The following ADRA1B variants were observed in gnomAD, a reference collection of about 807,000 sequenced individuals.
ADRA1B encodes the protein alpha-1B adrenergic receptor.
In ADRA1B, 17 loss-of-function variants were observed where a neutral mutation model predicts 17.9. The ratio of observed to expected loss-of-function variants is 0.95; its 90% CI spans 0.65 to 1.42. The LOEUF (loss-of-function observed/expected upper bound fraction) is 1.42, where lower values mean the gene tolerates loss of function less well. ADRA1B is among the 40% of genes most tolerant of loss of function. The probability of loss-of-function intolerance (pLI) is 0.00; values close to 1 mark genes in which losing one functional copy is unlikely to be tolerated. For synonymous variants in ADRA1B, 366 were observed against 327.6 expected (o/e 1.12, Z -1.27); for missense variants, 681 against 722.1 (o/e 0.94, Z 0.65).
At chr5:159,896,716 G>C (rs187680603) in intron 1 of ADRA1B, among the ~76,000 whole-genome samples, 4 of 152,096 alleles carry the variant, frequency 2.6e-5, no homozygotes, top group Non-Finnish European at 5.9e-5. Flanking sequence ...CATCAGCCGC[G>C]CTCCACTGAA....
At chr5:159,934,972 G>C (rs1271911085) in intron 1 of ADRA1B, among the ~76,000 whole-genome samples, 1 of 152,090 alleles carries the variant, frequency 6.6e-6, no homozygotes, top group Non-Finnish European at 1.5e-5. Context: ...CGGATGAAAG[G>C]GACTCAGCTG....
At chr5:159,902,948 C>A (rs1467562658) in intron 1 of ADRA1B, among the ~76,000 whole-genome samples, 2 of 152,172 alleles carry the variant, frequency 1.3e-5, no homozygotes, top group African/African-American at 4.8e-5. Flanking sequence ...CAGACACTGT[C>A]GCTCTCGGAC....
At chr5:159,924,112 T>C (rs1313305013) in intron 1 of ADRA1B, among the ~76,000 whole-genome samples, 2 of 152,282 alleles carry the variant, frequency 1.3e-5, no homozygotes, top group Non-Finnish European at 2.9e-5. Flanking sequence ...GAGATTTTAC[T>C]GGCTTATGAC....
chr5:159,973,332 T>C (rs1164498939), downstream of ADRA1B, among the ~76,000 whole-genome samples: 1 of 152,188 alleles, frequency 6.6e-6, no homozygotes, highest in African/African-American at 2.4e-5. Context: ...TGAATCCTCC[T>C]GCGGCTCCTT....
chr5:159,880,009 T>C (rs1262412384), intron 1 of ADRA1B, among the ~76,000 whole-genome samples: 1 of 151,916 alleles, frequency 6.6e-6, no homozygotes, highest in Admixed American at 6.6e-5. Flanking sequence ...AATAAATAAA[T>C]AAAATTAAAA....
chr5:159,888,744 G>A (rs1441988801), intron 1 of ADRA1B, among the ~76,000 whole-genome samples: 1 of 152,190 alleles, frequency 6.6e-6, no homozygotes, highest in Non-Finnish European at 1.5e-5. Context: ...ACCACTGGGG[G>A]TGCCAGGAAG....
At chr5:159,945,387 A>G (rs901502623) in intron 1 of ADRA1B, among the ~76,000 whole-genome samples, 3 of 152,180 alleles carry the variant, frequency 2.0e-5, no homozygotes, top group Non-Finnish European at 4.4e-5. Flanking sequence ...AGGAAAGAAA[A>G]AAGAGAGAAA....
chr5:159,925,774 G>A (rs576223331), intron 1 of ADRA1B, among the ~76,000 whole-genome samples: 5 of 152,276 alleles, frequency 3.3e-5, no homozygotes, highest in South Asian at 4.1e-4. Flanking sequence ...TCCCAAAAAC[G>A]TCCATGGCCC....
intron 1 of ADRA1B, among the ~76,000 whole-genome samples, chr5:159,947,016 A>T (rs916885225): frequency 3.9e-5 from 6 of 152,138 alleles, no homozygotes; most frequent in African/African-American, 9.7e-5. Context: ...CCCTTTGAGG[A>T]TGGCATAATT....
chr5:159,896,523 T>C (rs895178362), intron 1 of ADRA1B, among the ~76,000 whole-genome samples: 1 of 152,184 alleles, frequency 6.6e-6, no homozygotes, highest in Non-Finnish European at 1.5e-5. Flanking sequence ...AAATGAAAGG[T>C]GTGTGCTCAG....
chr5:159,921,761 AT>A (rs1754487574), intron 1 of ADRA1B, among the ~76,000 whole-genome samples: 1 of 152,226 alleles, frequency 6.6e-6, no homozygotes, highest in Non-Finnish European at 1.5e-5. Flanking sequence ...CAAAATAGAA[AT>A]CCCTCTCTCC....
At chr5:159,924,706 G>A (rs904255250) in intron 1 of ADRA1B, among the ~76,000 whole-genome samples, 38 of 152,150 alleles carry the variant, frequency 2.5e-4, no homozygotes, top group Admixed American at 2.0e-3. Context: ...GTGCCATCAC[G>A]GATGCATCTA....
upstream of ADRA1B, among the ~76,000 whole-genome samples, chr5:159,911,953 C>A (rs572393515): frequency 6.6e-6 from 1 of 152,142 alleles, no homozygotes; most frequent in East Asian, 1.9e-4. Context: ...TGGCCTCAGG[C>A]AAATCGTTTA....
At chr5:159,903,079 T>C (rs1754120938) in intron 1 of ADRA1B, among the ~76,000 whole-genome samples, 1 of 152,184 alleles carries the variant, frequency 6.6e-6, no homozygotes, top group South Asian at 2.1e-4. Flanking sequence ...CAGAGAAGGC[T>C]CTGGCCAGTG....
chr5:159,924,941 G>A (rs1267602543), intron 1 of ADRA1B, among the ~76,000 whole-genome samples: 2 of 152,186 alleles, frequency 1.3e-5, no homozygotes, highest in Non-Finnish European at 2.9e-5. Context: ...TGCTGGCTAG[G>A]AGTTCTTTCT....
At chr5:159,876,494 T>A (rs1753804147) in intron 1 of ADRA1B, among the ~76,000 whole-genome samples, 1 of 152,208 alleles carries the variant, frequency 6.6e-6, no homozygotes, top group Non-Finnish European at 1.5e-5. Flanking sequence ...CTAAACCACA[T>A]GACCATCCCT....
rs546517080 is a variant in ADRA1B, at chr5:159,879,448, C to A, written c.-256+14242C>A. Among the ~76,000 whole-genome samples, 35 of 152,314 alleles carry A rather than the reference C, an allele frequency of 2.3e-4. 1 individual carries two copies. In the South Asian group the frequency reaches 6.2e-3, roughly 27 times the overall value. On this transcript the variant is annotated intron_variant, in intron 1 of 2. Coordinates refer to the ADRA1B transcript ENST00000641205. The stretch of plus-strand genomic sequence containing the variant: ...ACTCTTTAGGAATAATTCCAGCCCC[C>A]TCTCCAGCAGCCAGGACTATAAATA...
rs1358507795 is a variant in ADRA1B, at chr5:159,883,580, T to C, written c.-256+18374T>C. ...TCCTAGAAGGCCTACAGGGACTTCA[T>C]ATAAACAGAATTTCTGTGTCAGAGT... On this transcript the variant is annotated intron_variant, in intron 1 of 2. Transcript: ENST00000641205. Among the ~76,000 whole-genome samples, 34 of 152,222 alleles carry C rather than the reference T, an allele frequency of 2.2e-4. 1 individual carries two copies. Among genetic ancestry groups the C allele is most frequent in the Admixed American group, 2.2e-3 (34 of 15,286 alleles).
At chr5:159,982,328 T>C in the ADRA1B span, among the ~76,000 whole-genome samples, 1 of 152,342 alleles carries the variant, frequency 6.6e-6, no homozygotes, top group South Asian at 2.1e-4. Flanking sequence ...CTTCTGGTCT[T>C]GACTTGCAAA....
Sources: allele counts gnomAD v4.1 joint callset (sites outside exome capture counted in the v4.1 genomes callset), GRCh38; gene constraint gnomAD v4.1.1; transcripts MANE v1.5; gene names NCBI Gene and HGNC (gene_info 2026-07-23, HGNC 2026-07-21).